The following SLC4A4 variants were observed in gnomAD, a reference collection of about 807,000 sequenced individuals.
SLC4A4 encodes solute carrier family 4 member 4.
In SLC4A4, 27 loss-of-function variants were observed where a neutral mutation model predicts 111.5. The ratio of observed to expected loss-of-function variants is 0.24; its 90% CI spans 0.18 to 0.33. The LOEUF (loss-of-function observed/expected upper bound fraction) is 0.33. Ranked by LOEUF, SLC4A4 falls within the 10% of genes least tolerant of loss-of-function variation. The pLI, the probability that SLC4A4 is intolerant of heterozygous loss-of-function variation, is 1.00. For synonymous variants in SLC4A4, 443 were observed against 463.4 expected, an observed-to-expected ratio of 0.96 and a Z score of 0.57; for missense variants, 909 against 1,315.5, an observed-to-expected ratio of 0.69 and a Z score of 4.78.
At chr4:71,481,382 G>A (rs1578007663) in intron 14 of SLC4A4, among the ~76,000 whole-genome samples, 2 of 151,666 alleles carry the variant, frequency 1.3e-5, no homozygotes, top group South Asian at 2.1e-4. Flanking sequence ...GAGCCATGGG[G>A]TAGTTCCTGG....
At chr4:71,263,576 A>C (rs544304067) in intron 3 of SLC4A4, among the ~76,000 whole-genome samples, 1 of 152,344 alleles carries the variant, frequency 6.6e-6, no homozygotes, top group African/African-American at 2.4e-5. Context: ...TGGTTAAGAA[A>C]ATGCTGTCCC....
At chr4:71,501,573 T>C (rs1730925584) in intron 16 of SLC4A4, among the ~76,000 whole-genome samples, 1 of 147,242 alleles carries the variant, frequency 6.8e-6, no homozygotes, top group African/African-American at 2.5e-5. Flanking sequence ...TTCAGTCTTC[T>C]TTTTTTTTTA....
At chr4:71,470,668 A>AGT (rs1402815152) in intron 13 of SLC4A4, among the ~76,000 whole-genome samples, 1 of 151,984 alleles carries the variant, frequency 6.6e-6, no homozygotes, top group African/African-American at 2.4e-5. Context: ...ATAAAATGTG[A>AGT]GTGTGTGTGC....
rs777653865 is a variant in SLC4A4, at chr4:71,557,709, C to T, written c.2764-3C>T. The T allele has an allele frequency of 1.2e-6, 2 of 1,612,528 alleles. No homozygotes were observed. The highest frequency in any genetic ancestry group is 2.2e-5 in the East Asian group (1 of 44,730). On this transcript the variant is annotated splice_region_variant and splice_polypyrimidine_tract_variant and intron_variant, in intron 21 of 25. Coordinates refer to ENST00000264485, the MANE Select transcript of SLC4A4 (RefSeq NM_001098484.3). The stretch of plus-strand genomic sequence containing the variant: ...TTGGACTCCTTTCCTCTTTCCTCCC[C>T]AGTTCATGGATCGTCTGAAGCTGCT...
intron 1 of SLC4A4, among the ~76,000 whole-genome samples, chr4:71,220,136 C>G (rs1718656359): frequency 1.3e-5 from 2 of 152,050 alleles, no homozygotes; most frequent in African/African-American, 4.8e-5. Context: ...ATGCATGCAA[C>G]AAAGAAATAC....
At chr4:71,475,122 C>T (rs1427417430) in intron 14 of SLC4A4, among the ~76,000 whole-genome samples, 2 of 151,540 alleles carry the variant, frequency 1.3e-5, no homozygotes, top group Non-Finnish European at 3.0e-5. Flanking sequence ...TTTACGACTT[C>T]TTAGGCAGGT....
intron 3 of SLC4A4, among the ~76,000 whole-genome samples, chr4:71,269,335 C>T (rs866869787): frequency 1.3e-5 from 2 of 152,194 alleles, no homozygotes; most frequent in African/African-American, 2.4e-5. Flanking sequence ...AATGGATGAT[C>T]GTAGCAGTAT....
At chr4:71,070,541 T>C (rs372808579) in intron 1 of SLC4A4, among the ~76,000 whole-genome samples, 85 of 152,292 alleles carry the variant, frequency 5.6e-4, no homozygotes, top group African/African-American at 1.9e-3. Context: ...TGCTCCCAAA[T>C]GAAGGAGAAC....
chr4:71,327,566 C>A (rs891241851), intron 3 of SLC4A4, among the ~76,000 whole-genome samples: 20 of 151,952 alleles, frequency 1.3e-4, no homozygotes, highest in Non-Finnish European at 4.4e-5. Flanking sequence ...AATGATATAA[C>A]AAATGCAAAA....
At chr4:71,461,858 A>G (rs1726860166) in intron 12 of SLC4A4, among the ~76,000 whole-genome samples, 1 of 152,202 alleles carries the variant, frequency 6.6e-6, no homozygotes, top group South Asian at 2.1e-4. Flanking sequence ...GCTGTAAAGT[A>G]AAGCAAGCTA....
intron 2 of SLC4A4, among the ~76,000 whole-genome samples, chr4:71,128,294 C>T (rs866533663): frequency 1.3e-5 from 2 of 152,070 alleles, no homozygotes; most frequent in Admixed American, 6.5e-5. Flanking sequence ...CATCATATCT[C>T]GTCAGATCTC....
In SLC4A4 at chr4:71,555,124, AT is replaced by A. The variant is rs1736358811; in HGVS notation, c.2695-9del. 24 of 1,572,332 alleles carry A rather than the reference AT, an allele frequency of 1.5e-5. No homozygotes were observed. Among genetic ancestry groups the A allele is most frequent in the Non-Finnish European group, 2.0e-5 (23 of 1,143,254 alleles). Reference sequence around the variant, plus strand: ...TTGTTATCATTTTTAAGTTGTATCCATTTTTTTCCTTCTAGTTTATACCCAT... The same window carrying A: ...TTGTTATCATTTTTAAGTTGTATCCATTTTTTCCTTCTAGTTTATACCCAT... On this transcript the variant is annotated splice_polypyrimidine_tract_variant and intron_variant, in intron 20 of 25. Transcript: ENST00000264485.
At chr4:71,483,132 G>A (rs574050438) in intron 14 of SLC4A4, among the ~76,000 whole-genome samples, 4 of 151,586 alleles carry the variant, frequency 2.6e-5, no homozygotes, top group South Asian at 2.1e-4. Flanking sequence ...GATTCATTCG[G>A]CTTTATTGTT....
At chr4:71,410,327 G>C (rs1256412346) in intron 7 of SLC4A4, among the ~76,000 whole-genome samples, 4 of 152,176 alleles carry the variant, frequency 2.6e-5, no homozygotes, top group Non-Finnish European at 4.4e-5. Flanking sequence ...AATGTACTCT[G>C]CAAAGCCACA....
intron 1 of SLC4A4, among the ~76,000 whole-genome samples, chr4:71,202,631 A>T (rs563147783): frequency 4.6e-5 from 7 of 152,078 alleles, no homozygotes; most frequent in East Asian, 3.9e-4. Flanking sequence ...TTCTTTGAAA[A>T]TTTTTTTTAA....
At chr4:71,402,392 A>G (rs1202143377) in intron 7 of SLC4A4, among the ~76,000 whole-genome samples, 3 of 152,118 alleles carry the variant, frequency 2.0e-5, no homozygotes, top group Non-Finnish European at 4.4e-5. Flanking sequence ...CTTAGCATTA[A>G]TAGTTATTTC....
intron 3 of SLC4A4, among the ~76,000 whole-genome samples, chr4:71,295,649 C>T (rs1724729854): frequency 6.6e-6 from 1 of 150,936 alleles, no homozygotes; most frequent in Admixed American, 6.7e-5. Flanking sequence ...CCTCTCCTCT[C>T]CTCTTCTTTT....
intron 3 of SLC4A4, among the ~76,000 whole-genome samples, chr4:71,292,166 A>G (rs956097526): frequency 3.3e-5 from 5 of 152,250 alleles, no homozygotes; most frequent in Non-Finnish European, 7.3e-5. Context: ...ACCTGAATCT[A>G]TAATACGGTC....
intron 1 of SLC4A4, among the ~76,000 whole-genome samples, chr4:71,214,487 G>T (rs560211661): frequency 2.6e-5 from 4 of 152,206 alleles, no homozygotes; most frequent in African/African-American, 9.6e-5. Flanking sequence ...ATATAACCCA[G>T]AAGTCAGGGA....
Sources: gnomAD v4.1 joint callset for allele counts (sites outside exome capture counted in the v4.1 genomes callset) on GRCh38, gnomAD v4.1.1 for gene constraint, MANE v1.5 for transcripts, NCBI Gene and HGNC (gene_info 2026-07-23, HGNC 2026-07-21) for gene names.